CCL28: variants seen among roughly 807,000 people sequenced by gnomAD.
CCL28 encodes the protein C-C motif chemokine 28.
In CCL28, 4 loss-of-function variants were observed where a neutral mutation model predicts 7.1. That is an observed-to-expected ratio of 0.56 (90% CI 0.28 to 1.29). The LOEUF is 1.29. Ranked by LOEUF, CCL28 falls within the 50% of genes most tolerant of loss-of-function variation. The pLI is 0.11. For synonymous variants in CCL28, 55 were observed against 57.8 expected (o/e 0.95, Z 0.22); for missense variants, 151 against 163.4 (o/e 0.92, Z 0.41).
At chr5:43,374,050 A>G (rs567056523), downstream of CCL28, among the ~76,000 whole-genome samples, 1 of 152,354 alleles carries the variant, frequency 6.6e-6, no homozygotes, top group African/African-American at 2.4e-5. Flanking sequence ...AACCCTCAGT[A>G]GCCTTCTCAT....
At chr5:43,377,717 C>CTTTTTTTTTATTTTTTTT (rs1739938149), downstream of CCL28, among the ~76,000 whole-genome samples, 1 of 42,708 alleles carries the variant, frequency 2.3e-5, no homozygotes, top group Non-Finnish European at 3.9e-5. Flanking sequence ...AGAACTTAAA[C>CTTTTTTTTTATTTTTTTT]TTTTTTTTTT....
At chr5:43,369,041 AGAGAGAGAGAGAGAGAGAGAGAGAG>A in the CCL28 span, among the ~76,000 whole-genome samples, 4 of 6,078 alleles carry the variant, frequency 6.6e-4, no homozygotes, top group African/African-American at 5.8e-3. Flanking sequence ...AGAGAAAGAG[AGAGAGAGAGAGAGAGAGAGAGAGAG>A]AGAGAGAGAG....
At chr5:43,384,401 G>A (rs1740253687) in intron 2 of CCL28, among the ~76,000 whole-genome samples, 1 of 152,200 alleles carries the variant, frequency 6.6e-6, no homozygotes, top group Non-Finnish European at 1.5e-5. Context: ...CCAAATCTGA[G>A]ATCCCATGAT....
intron 1 of CCL28, among the ~76,000 whole-genome samples, chr5:43,409,954 T>C (rs1245585047): frequency 6.6e-6 from 1 of 152,156 alleles, no homozygotes; most frequent in South Asian, 2.1e-4. Context: ...CTTTTAATTA[T>C]AGATAAAGTC....
intron 1 of CCL28, among the ~76,000 whole-genome samples, chr5:43,401,254 C>T (rs138315497): frequency 1.3e-5 from 2 of 152,234 alleles, no homozygotes; most frequent in African/African-American, 4.8e-5. Context: ...CTCACTAATC[C>T]ATGATATATG....
chr5:43,371,210 C>T, the CCL28 span, among the ~76,000 whole-genome samples: 2 of 152,214 alleles, frequency 1.3e-5, no homozygotes, highest in Admixed American at 1.3e-4. Flanking sequence ...CCCATCTCTT[C>T]CCTCCTTCTA....
intron 1 of CCL28, among the ~76,000 whole-genome samples, chr5:43,403,449 CCTG>C (rs1362631989): frequency 6.6e-6 from 1 of 152,198 alleles, no homozygotes; most frequent in African/African-American, 2.4e-5. Context: ...AGCTGAGGGT[CCTG>C]ACTGTCAGAA....
chr5:43,371,399 G>A, the CCL28 span, among the ~76,000 whole-genome samples: 3 of 152,202 alleles, frequency 2.0e-5, no homozygotes, highest in Non-Finnish European at 4.4e-5. Flanking sequence ...CACCCACATG[G>A]TATCAGATTT....
intron 1 of CCL28, among the ~76,000 whole-genome samples, chr5:43,401,197 T>A (rs1741020930): frequency 6.6e-6 from 1 of 152,170 alleles, no homozygotes; most frequent in Non-Finnish European, 1.5e-5. Flanking sequence ...GATCATGCAG[T>A]GGGTGCCAAC....
the CCL28 span, among the ~76,000 whole-genome samples, chr5:43,364,135 G>A: frequency 6.6e-6 from 1 of 152,090 alleles, no homozygotes; most frequent in Non-Finnish European, 1.5e-5. Context: ...AAGTTTACTA[G>A]CAAAGTAAAG....
chr5:43,383,839 C>A (rs938097293), intron 2 of CCL28: 9 of 152,384 alleles, frequency 5.9e-5, no homozygotes, highest in African/African-American at 2.2e-4. Context: ...ATAATCCCAA[C>A]ACTTTAGGAG....
intron 1 of CCL28, among the ~76,000 whole-genome samples, chr5:43,389,636 G>C (rs1740489354): frequency 6.6e-6 from 1 of 152,204 alleles, no homozygotes. Context: ...AATTCAAACA[G>C]TCTTAAGCCA....
At chr5:43,388,695 C>T (rs922227671) in intron 1 of CCL28, among the ~76,000 whole-genome samples, 3 of 152,064 alleles carry the variant, frequency 2.0e-5, no homozygotes, top group African/African-American at 7.2e-5. Flanking sequence ...AGACACAAAA[C>T]AAGTGAAAGA....
intron 2 of CCL28, among the ~76,000 whole-genome samples, chr5:43,383,645 G>C (rs1366426656): frequency 6.6e-6 from 1 of 151,978 alleles, no homozygotes; most frequent in Non-Finnish European, 1.5e-5. Flanking sequence ...AGGAGAAAAC[G>C]TGGCTGTAGC....
intron 1 of CCL28, chr5:43,397,148 G>T (rs1325889678): frequency 6.6e-6 from 1 of 152,236 alleles, no homozygotes; most frequent in African/African-American, 2.4e-5. Context: ...AGGTAGGGTG[G>T]AGTCCCAGGC....
At chr5:43,387,151 T>G (rs114848855) in intron 2 of CCL28, among the ~76,000 whole-genome samples, 1,742 of 152,318 alleles carry the variant, frequency 0.011, 24 homozygotes, top group African/African-American at 0.026. Context: ...GATACTCGGA[T>G]GCAGTAGAGT....
chr5:43,385,418 A>G (rs936435513), intron 2 of CCL28, among the ~76,000 whole-genome samples: 6 of 152,250 alleles, frequency 3.9e-5, no homozygotes, highest in Non-Finnish European at 8.8e-5. Context: ...TGTTATTAGT[A>G]ATACATGCTA....
At chr5:43,374,989 TTTTTC>T (rs1739856920), downstream of CCL28, among the ~76,000 whole-genome samples, 2 of 152,048 alleles carry the variant, frequency 1.3e-5, no homozygotes, top group East Asian at 3.9e-4. Context: ...ATGAAAGATC[TTTTTC>T]TTTTCTTTTT....
chr5:43,380,834 A>G lies in CCL28; in HGVS notation c.*1026T>C, dbSNP rs1740081515. 1 of 152,158 alleles carries G rather than the reference A, an allele frequency of 6.6e-6. No homozygotes were observed. The allele number at this position is 152,158 out of a possible 1,614,324, so 9.4% of individuals were successfully genotyped here. Reference sequence around the variant, plus strand: ...ACAAAATAATTTTAAAAATTAAAAAAAAAAGACAGAGGAACTTTCTTAGAT... The same window carrying G: ...ACAAAATAATTTTAAAAATTAAAAAGAAAAGACAGAGGAACTTTCTTAGAT... On this transcript the variant is annotated 3_prime_UTR_variant, in exon 3 of 3. Transcript: ENST00000361115.
Sources: gnomAD v4.1 joint callset for allele counts (sites outside exome capture counted in the v4.1 genomes callset) on GRCh38, gnomAD v4.1.1 for gene constraint, MANE v1.5 for transcripts, NCBI Gene and HGNC (gene_info 2026-07-23, HGNC 2026-07-21) for gene names.